Variants in CHL1 observed in about 807,000 individuals in gnomAD.
The protein encoded by CHL1 is neural cell adhesion molecule L1-like protein.
Under a neutral mutation model 141.9 loss-of-function variants are expected in CHL1, and 96 were observed. The ratio of observed to expected loss-of-function variants is 0.68; its 90% CI spans 0.57 to 0.80. CHL1 has a LOEUF of 0.80. Ranked by LOEUF, CHL1 falls within the 30% of genes least tolerant of loss-of-function variation. The pLI, the probability that CHL1 is intolerant of heterozygous loss-of-function variation, is 0.00. For synonymous variants in CHL1, 613 were observed against 502.2 expected (o/e 1.22, Z -2.95); for missense variants, 1,820 against 1,457.2 (o/e 1.25, Z -4.05).
chr3:225,785 A>T (rs550065447), intron 1 of CHL1, among the ~76,000 whole-genome samples: 1 of 152,026 alleles, frequency 6.6e-6, no homozygotes, highest in Non-Finnish European at 1.5e-5. Flanking sequence ...TGAGGTGGGC[A>T]GATCACGAGG....
chr3:203,415 T>G (rs780699966), intron 1 of CHL1, among the ~76,000 whole-genome samples: 4 of 152,278 alleles, frequency 2.6e-5, no homozygotes, highest in Admixed American at 6.5e-5. Context: ...GTCCCCTTGA[T>G]GTTCTTGAAA....
intron 23 of CHL1, among the ~76,000 whole-genome samples, 159 bp from the exon 24 acceptor site, chr3:394,534 A>G (rs1450771237): frequency 2.0e-5 from 3 of 152,182 alleles, no homozygotes; most frequent in Non-Finnish European, 2.9e-5. Context: ...TGATATAGTC[A>G]TAGTAGTTGT....
chr3:223,894 C>A (rs780142527), intron 1 of CHL1, among the ~76,000 whole-genome samples: 1 of 152,106 alleles, frequency 6.6e-6, no homozygotes, highest in Non-Finnish European at 1.5e-5. Flanking sequence ...GGTGGGAGCT[C>A]CAGGACTGGT....
chr3:332,509 T>C (rs1370204811), intron 5 of CHL1, among the ~76,000 whole-genome samples: 1 of 152,190 alleles, frequency 6.6e-6, no homozygotes, highest in Non-Finnish European at 1.5e-5. Flanking sequence ...TTCCATTGTG[T>C]TTCTTTCTTT....
chr3:368,937 T>C (rs1705254002), intron 15 of CHL1, among the ~76,000 whole-genome samples: 1 of 152,106 alleles, frequency 6.6e-6, no homozygotes, highest in Non-Finnish European at 1.5e-5. Context: ...GTCTCTGTTC[T>C]GCTCCATTTG....
intron 15 of CHL1, among the ~76,000 whole-genome samples, chr3:373,211 A>G (rs1705869343): frequency 6.6e-6 from 1 of 152,246 alleles, no homozygotes; most frequent in Non-Finnish European, 1.5e-5. Context: ...AGGAGACGCT[A>G]AGTCTGCTGG....
intron 1 of CHL1, among the ~76,000 whole-genome samples, chr3:210,527 G>C (rs544194422): frequency 1.3e-5 from 2 of 152,162 alleles, no homozygotes; most frequent in African/African-American, 4.8e-5. Context: ...CCTCTCTCCT[G>C]GTCCTTCCAG....
intron 5 of CHL1, among the ~76,000 whole-genome samples, chr3:330,948 C>G (rs1253570184): frequency 6.6e-6 from 1 of 151,906 alleles, no homozygotes; most frequent in Non-Finnish European, 1.5e-5. Context: ...GGCATGTTAG[C>G]ATGGATCTCT....
chr3:231,292 C>G (rs1005452350), intron 1 of CHL1, among the ~76,000 whole-genome samples: 1 of 151,656 alleles, frequency 6.6e-6, no homozygotes, highest in Non-Finnish European at 1.5e-5. Flanking sequence ...AGATTTTTTT[C>G]CTTCCTCCTT....
intron 2 of CHL1, among the ~76,000 whole-genome samples, chr3:318,550 T>A (rs1056258603): frequency 3.3e-5 from 5 of 151,710 alleles, no homozygotes; most frequent in Non-Finnish European, 5.9e-5. Flanking sequence ...AAATTGAAAT[T>A]GTAAGAGAAA....
chr3:298,131 T>C (rs1240756558), intron 2 of CHL1, among the ~76,000 whole-genome samples: 1 of 152,222 alleles, frequency 6.6e-6, no homozygotes, highest in African/African-American at 2.4e-5. Context: ...TATCAACATA[T>C]GAATGTGGGT....
chr3:387,180 C>A (rs1286075044), intron 19 of CHL1, among the ~76,000 whole-genome samples: 1 of 152,174 alleles, frequency 6.6e-6, no homozygotes, highest in African/African-American at 2.4e-5. Flanking sequence ...TAGAAAATTA[C>A]ACACAAAAAG....
At chr3:361,860 G>T in intron 13 of CHL1, 50 bp downstream of exon 13, 1 of 1,252,002 alleles carries the variant, frequency 8.0e-7, no homozygotes, top group Non-Finnish European at 1.2e-6. Context: ...TTGTAGATTT[G>T]ACCTTGTTTC....
chr3:344,157 T>A (rs965102979), intron 8 of CHL1, among the ~76,000 whole-genome samples: 1 of 152,254 alleles, frequency 6.6e-6, no homozygotes, highest in Non-Finnish European at 1.5e-5. Flanking sequence ...CAGTGAGAAT[T>A]TCTGAGTGCA....
chr3:278,828 T>C (rs1450046125), intron 2 of CHL1, among the ~76,000 whole-genome samples: 1 of 152,232 alleles, frequency 6.6e-6, no homozygotes, highest in African/African-American at 2.4e-5. Flanking sequence ...AGCAACGTTT[T>C]AGTTTCTGAA....
chr3:345,494 A>T (rs932086160), intron 9 of CHL1, among the ~76,000 whole-genome samples: 2 of 151,056 alleles, frequency 1.3e-5, no homozygotes, highest in African/African-American at 2.4e-5. Flanking sequence ...TCATTTATTT[A>T]TTTTTTTGAG....
intron 5 of CHL1, among the ~76,000 whole-genome samples, chr3:331,360 G>T (rs1701426226): frequency 6.6e-6 from 1 of 152,124 alleles, no homozygotes; most frequent in South Asian, 2.1e-4. Flanking sequence ...AGCCTTCTGA[G>T]TAACTAGGAC....
chr3:348,445 C>G (rs530583288), intron 9 of CHL1, among the ~76,000 whole-genome samples: 13 of 152,296 alleles, frequency 8.5e-5, no homozygotes, highest in African/African-American at 3.1e-4. Flanking sequence ...GACAGTCATC[C>G]TTCATTTAGA....
intron 16 of CHL1, among the ~76,000 whole-genome samples, chr3:380,803 T>G (rs1386008965): frequency 6.6e-6 from 1 of 152,224 alleles, no homozygotes; most frequent in Non-Finnish European, 1.5e-5. Flanking sequence ...TAATGTTTAT[T>G]GCTTTAATAT....
Sources: gnomAD v4.1 joint callset for allele counts (sites outside exome capture counted in the v4.1 genomes callset) on GRCh38, gnomAD v4.1.1 for gene constraint, MANE v1.5 for transcripts, NCBI Gene and HGNC (gene_info 2026-07-23, HGNC 2026-07-21) for gene names.